ADGRV1: variants seen among roughly 807,000 people sequenced by gnomAD.
ADGRV1 encodes G-protein coupled receptor 98.
ADGRV1 carries 359 observed loss-of-function variants against 596.2 expected under a neutral mutation model. The observed-to-expected ratio is 0.60, with a 90% confidence interval of 0.55 to 0.66. ADGRV1 has a LOEUF of 0.66. Ranked by LOEUF, ADGRV1 falls within the 30% of genes least tolerant of loss-of-function variation. The pLI is 0.00. For missense variants in ADGRV1, 7,274 were observed against 7,575.6 expected (o/e 0.96, Z 1.48); for synonymous variants, 2,681 against 2,679.2 (o/e 1.00, Z -0.02).
intron 45 of ADGRV1, among the ~76,000 whole-genome samples, chr5:90,722,792 C>CTA (rs1347183052): frequency 3.9e-5 from 5 of 128,906 alleles, no homozygotes; most frequent in Non-Finnish European, 6.3e-5. Flanking sequence ...GGAACTTTAG[C>CTA]TATATATATT....
Position 90,955,499 on chromosome 5 carries a change from C to A in ADGRV1, c.17857-9916C>A, listed in dbSNP as rs1049035259. 3.9e-5 allele frequency among the ~76,000 whole-genome samples: 6 copies of A among 152,062 alleles called. No individual in the cohort carries two copies. The East Asian group carries it at 9.6e-4, about 24-fold the overall frequency. Reference sequence around the variant, plus strand: ...TAGAATGTGATTTAAAATAACAGAACCTTGGCTCTGGAATCAGGCATGTGG... The same window carrying A: ...TAGAATGTGATTTAAAATAACAGAAACTTGGCTCTGGAATCAGGCATGTGG... On this transcript the variant is annotated intron_variant, in intron 83 of 89. Transcript: ENST00000405460.
chr5:90,661,272 CGTA>C (rs1156778668), intron 21 of ADGRV1, among the ~76,000 whole-genome samples: 4 of 152,104 alleles, frequency 2.6e-5, no homozygotes, highest in Admixed American at 1.3e-4. Flanking sequence ...ACTTGCTAAT[CGTA>C]TTGTTTTATT....
At chr5:90,707,891 A>G (rs1748814247) in intron 38 of ADGRV1, among the ~76,000 whole-genome samples, 1 of 151,988 alleles carries the variant, frequency 6.6e-6, no homozygotes, top group Admixed American at 6.6e-5. Flanking sequence ...GGGGAGTGGT[A>G]GGGAGGAAGT....
intron 37 of ADGRV1, among the ~76,000 whole-genome samples, 164 bp from the exon 38 acceptor site, chr5:90,706,067 G>A (rs1035712000): frequency 1.2e-4 from 18 of 152,138 alleles, no homozygotes; most frequent in African/African-American, 4.3e-4. Context: ...AGACACCCAT[G>A]AGCCATCACA....
chr5:91,025,714 C>T (rs1258823783), intron 85 of ADGRV1, among the ~76,000 whole-genome samples: 1 of 152,140 alleles, frequency 6.6e-6, no homozygotes, highest in Non-Finnish European at 1.5e-5. Context: ...TGAAAAGGGC[C>T]GCAAAACCCA....
intron 74 of ADGRV1, 31 bp downstream of exon 74, chr5:90,811,369 A>T (rs776798220): frequency 6.6e-7 from 1 of 1,525,144 alleles, no homozygotes; most frequent in African/African-American, 1.4e-5. Context: ...AGATAAAAAT[A>T]TACTTTTATG....
chr5:90,838,209 C>T (rs937843572), intron 77 of ADGRV1, among the ~76,000 whole-genome samples: 2 of 151,924 alleles, frequency 1.3e-5, no homozygotes, highest in East Asian at 3.9e-4. Context: ...TTTATTTTAT[C>T]GTTACACTGC....
intron 85 of ADGRV1, among the ~76,000 whole-genome samples, chr5:91,034,189 C>T (rs765231562): frequency 6.6e-6 from 1 of 151,930 alleles, no homozygotes; most frequent in Non-Finnish European, 1.5e-5. Context: ...CTAGTATAGG[C>T]GGGGAGGTTA....
chr5:91,164,084 A>G lies in ADGRV1; in HGVS notation c.*184A>G, dbSNP rs558343567. ...GTATGTGACCTGAAAATTCACTGCTATAAGAAAGGTGGAGTCAGTTTGTAT... is the reference window on the plus strand; with the variant it reads ...GTATGTGACCTGAAAATTCACTGCTGTAAGAAAGGTGGAGTCAGTTTGTAT... On this transcript the variant is annotated 3_prime_UTR_variant, in exon 90 of 90. Coordinates refer to ENST00000405460, the MANE Select transcript of ADGRV1 (RefSeq NM_032119.4). 37 of 682,344 alleles carry G rather than the reference A, an allele frequency of 5.4e-5. No homozygotes were observed. The highest frequency in any genetic ancestry group is 4.4e-4 in the South Asian group (29 of 66,280). The allele number at this position is 682,344 out of a possible 1,614,324, so 42.3% of individuals were successfully genotyped here.
At chr5:90,939,744 C>T (rs566742245) in intron 83 of ADGRV1, among the ~76,000 whole-genome samples, 74 of 152,102 alleles carry the variant, frequency 4.9e-4, no homozygotes, top group African/African-American at 1.7e-3. Flanking sequence ...ATAATAATAC[C>T]TGATACTTGA....
Position 90,684,037 on chromosome 5 carries a change from A to G in ADGRV1, c.6116A>G (p.Asp2039Gly), listed in dbSNP as rs779923053. 1.1e-5 allele frequency: 18 copies of G among 1,613,838 alleles called. No individual in the cohort carries two copies. The African/African-American group carries it at 2.4e-4, about 22-fold the overall frequency. Residue 2039 changes from aspartate (D) to glycine (G), a missense_variant, in exon 28 of 90, where the codon GAC (aspartate) becomes GGC (glycine). Coordinates refer to ENST00000405460, the MANE Select transcript of ADGRV1 (RefSeq NM_032119.4). Reference protein sequence around the residue: ...PNLARATQGRDYIPASGFALF... With the variant: ...PNLARATQGRGYIPASGFALF... ...TTAGCGAGAGCAACTCAAGGAAGAG[A>G]CTATATACCAGCTTCTGGATTTGCT...
intron 85 of ADGRV1, among the ~76,000 whole-genome samples, chr5:90,990,626 C>T (rs1259174479): frequency 1.3e-5 from 2 of 152,190 alleles, no homozygotes; most frequent in Non-Finnish European, 2.9e-5. Flanking sequence ...GGGCAGGTAC[C>T]AGTCCACGGC....
intron 85 of ADGRV1, among the ~76,000 whole-genome samples, chr5:91,042,290 A>G (rs1785426362): frequency 6.6e-6 from 1 of 152,236 alleles, no homozygotes; most frequent in Admixed American, 6.5e-5. Context: ...GTAATGAATT[A>G]TAATAAATAT....
At chr5:90,620,082 G>A (rs1268086540) in intron 4 of ADGRV1, among the ~76,000 whole-genome samples, 1 of 151,790 alleles carries the variant, frequency 6.6e-6, no homozygotes, top group Non-Finnish European at 1.5e-5. Flanking sequence ...TGTCTTTATA[G>A]CAGCATGATT....
In ADGRV1 at chr5:90,858,079, T is replaced by C. The variant is rs887196765; in HGVS notation, c.17755+2178T>C. Among the ~76,000 whole-genome samples the C allele has an allele frequency of 3.3e-5, 5 of 152,238 alleles. 1 individual carries two copies. Among genetic ancestry groups the C allele is most frequent in the Middle Eastern group, 6.8e-3 (2 of 292 alleles). On this transcript the variant is annotated intron_variant, in intron 82 of 89. Coordinates refer to ENST00000405460, the MANE Select transcript of ADGRV1 (RefSeq NM_032119.4). ...CCAAAAAGCTTACCACTTCTCAGCTTAGAAAGATGAAAGAAAAGGGCATAT... is the reference window on the plus strand; with the variant it reads ...CCAAAAAGCTTACCACTTCTCAGCTCAGAAAGATGAAAGAAAAGGGCATAT...
At chr5:90,964,467 A>G (rs1434004552) in intron 83 of ADGRV1, among the ~76,000 whole-genome samples, 1 of 151,880 alleles carries the variant, frequency 6.6e-6, no homozygotes, top group Non-Finnish European at 1.5e-5. Flanking sequence ...TTACAGCAGA[A>G]TATTATTGCT....
In ADGRV1 at chr5:90,778,583, C is replaced by T. The variant is rs768589991; in HGVS notation, c.12823C>T (p.Gln4275Ter). The change falls in exon 63 of 90, where the codon CAA becomes TAA. Residue 4275 changes from glutamine (Q) to a stop codon, truncating the protein, a stop_gained. Transcript: ENST00000405460. LOFTEE classifies it high-confidence loss of function. ...PYGRFAFSHE[Q>*]LRVSEAQRVN... ...TGGCCGATTTGCCTTTTCACATGAG[C>T]AACTTCGAGTGTCAGAAGCACAGAG... 30 of 1,602,154 alleles carry T rather than the reference C, an allele frequency of 1.9e-5. No homozygotes were observed. The highest frequency in any genetic ancestry group is 2.3e-5 in the Non-Finnish European group (27 of 1,173,280).
At chr5:90,958,481 A>G (rs992254452) in intron 83 of ADGRV1, among the ~76,000 whole-genome samples, 3 of 152,248 alleles carry the variant, frequency 2.0e-5, no homozygotes, top group Admixed American at 1.3e-4. Context: ...AACTAACATC[A>G]TACTTCTATT....
At chr5:90,801,869 C>G (rs1429579773) in intron 70 of ADGRV1, among the ~76,000 whole-genome samples, 1 of 152,126 alleles carries the variant, frequency 6.6e-6, no homozygotes, top group Non-Finnish European at 1.5e-5. Flanking sequence ...TACATAAATT[C>G]CAGATTCCCC....
Sources: allele counts gnomAD v4.1 joint callset (sites outside exome capture counted in the v4.1 genomes callset), GRCh38; gene constraint gnomAD v4.1.1; transcripts MANE v1.5; gene names NCBI Gene and HGNC (gene_info 2026-07-23, HGNC 2026-07-21).